The following UBE2L3 variants were observed in gnomAD, a reference collection of about 807,000 sequenced individuals.
The protein encoded by UBE2L3 is ubiquitin conjugating enzyme E2 L3, also known as ubiquitin-conjugating enzyme E2 L3.
A neutral mutation model predicts 17.8 loss-of-function variants in UBE2L3; 1 was observed. The ratio of observed to expected loss-of-function variants is 0.06; its 90% CI spans 0.02 to 0.27. The LOEUF is 0.27. Among genes scored for constraint, UBE2L3 ranks in the 10% least tolerant of loss-of-function variants. The probability of loss-of-function intolerance (pLI) is 1.00; values close to 1 mark genes in which losing one functional copy is unlikely to be tolerated. For missense variants in UBE2L3, 40 were observed against 192.6 expected (o/e 0.21, Z 4.69); for synonymous variants, 44 against 68.5 (o/e 0.64, Z 1.76).
chr22:21,607,639 G>C (rs911800714), intron 2 of UBE2L3, among the ~76,000 whole-genome samples: 1 of 152,162 alleles, frequency 6.6e-6, no homozygotes. Flanking sequence ...AGTACAATGG[G>C]AAGGGCTTCC....
chr22:21,571,472 G>A (rs961300097), intron 1 of UBE2L3, among the ~76,000 whole-genome samples: 2 of 152,098 alleles, frequency 1.3e-5, no homozygotes, highest in South Asian at 2.1e-4. Flanking sequence ...GCGATGGCAC[G>A]ATCTCTGTGC....
intron 1 of UBE2L3, among the ~76,000 whole-genome samples, chr22:21,556,582 A>G (rs1601380138): frequency 6.6e-6 from 1 of 150,514 alleles, no homozygotes; most frequent in South Asian, 2.1e-4. Context: ...GGCTAGCACC[A>G]CCATGCCCGG....
intron 3 of UBE2L3, among the ~76,000 whole-genome samples, chr22:21,619,336 G>A (rs1929938311): frequency 6.6e-6 from 1 of 152,208 alleles, no homozygotes; most frequent in Non-Finnish European, 1.5e-5. Flanking sequence ...TACCCCTGAA[G>A]AGGCTTAGAG....
chr22:21,600,269 T>C (rs569688292), intron 2 of UBE2L3, among the ~76,000 whole-genome samples: 1 of 152,202 alleles, frequency 6.6e-6, no homozygotes, highest in East Asian at 1.9e-4. Context: ...GCTGAGATCG[T>C]GCCATTGTGT....
chr22:21,602,224 C>T (rs1267396515), intron 2 of UBE2L3, among the ~76,000 whole-genome samples: 1 of 152,176 alleles, frequency 6.6e-6, no homozygotes, highest in Non-Finnish European at 1.5e-5. Context: ...GCACAGGACC[C>T]TTCAGTCCAT....
chr22:21,567,455 G>A (rs1157679086), upstream of UBE2L3: 5 of 469,934 alleles, frequency 1.1e-5, no homozygotes, highest in Non-Finnish European at 1.8e-5. Context: ...GAGCCCCCGC[G>A]CCTGGTCAAC....
intron 1 of UBE2L3, among the ~76,000 whole-genome samples, chr22:21,574,792 C>T (rs1927172181): frequency 6.6e-6 from 1 of 152,052 alleles, no homozygotes; most frequent in African/African-American, 2.4e-5. Flanking sequence ...TGGTGAAAAC[C>T]CATCTCTACC....
At chr22:21,563,689 G>T (rs1479621070), upstream of UBE2L3, among the ~76,000 whole-genome samples, 1 of 146,660 alleles carries the variant, frequency 6.8e-6, no homozygotes, top group South Asian at 2.2e-4. Flanking sequence ...CGATTCTCCC[G>T]CCTCAGCCTC....
chr22:21,586,117 T>A (rs552617629), intron 1 of UBE2L3, among the ~76,000 whole-genome samples: 128 of 152,198 alleles, frequency 8.4e-4, no homozygotes, highest in African/African-American at 3.0e-3. Flanking sequence ...TTAATTTTTT[T>A]ATTTTTGTAG....
At chr22:21,564,686 A>C (rs978157905), upstream of UBE2L3, among the ~76,000 whole-genome samples, 1 of 152,222 alleles carries the variant, frequency 6.6e-6, no homozygotes, top group Non-Finnish European at 1.5e-5. Context: ...TTCTCAGCTT[A>C]GCACATCCGG....
chr22:21,601,283 T>C (rs1399294563), intron 2 of UBE2L3, among the ~76,000 whole-genome samples: 2 of 152,036 alleles, frequency 1.3e-5, no homozygotes, highest in African/African-American at 4.8e-5. Flanking sequence ...TCACAAGAAC[T>C]TAACCTCCTA....
intron 1 of UBE2L3, among the ~76,000 whole-genome samples, chr22:21,577,211 A>C (rs1927363724): frequency 6.9e-6 from 1 of 145,880 alleles, no homozygotes; most frequent in Admixed American, 6.8e-5. Flanking sequence ...TTCATGATCC[A>C]CCCACCTTGG....
chr22:21,619,846 C>CACA, intron 3 of UBE2L3, among the ~76,000 whole-genome samples: 1 of 152,196 alleles, frequency 6.6e-6, no homozygotes, highest in East Asian at 1.9e-4. Flanking sequence ...CATGGGCCAC[C>CACA]ATGCCTGGCT....
At chr22:21,592,261 C>T (rs1928304651) in intron 1 of UBE2L3, among the ~76,000 whole-genome samples, 1 of 152,062 alleles carries the variant, frequency 6.6e-6, no homozygotes, top group Admixed American at 6.6e-5. Flanking sequence ...TTTCCCGTCC[C>T]CACCCCCCCA....
intron 1 of UBE2L3, among the ~76,000 whole-genome samples, chr22:21,571,602 A>T (rs1309982760): frequency 6.6e-6 from 1 of 152,116 alleles, no homozygotes; most frequent in Non-Finnish European, 1.5e-5. Flanking sequence ...AGGTTTCACC[A>T]TGTTTGCCAT....
intron 1 of UBE2L3, among the ~76,000 whole-genome samples, chr22:21,586,624 G>A (rs1348025319): frequency 2.0e-5 from 3 of 149,788 alleles, no homozygotes; most frequent in Non-Finnish European, 4.4e-5. Context: ...CTCAAGTGCA[G>A]TGGTGTGATT....
intron 1 of UBE2L3, chr22:21,568,071 G>C: frequency 2.4e-6 from 3 of 1,242,448 alleles, no homozygotes; most frequent in Non-Finnish European, 3.0e-6. Context: ...GCCGCGGTCC[G>C]ATCTGAGGGC....
intron 2 of UBE2L3, among the ~76,000 whole-genome samples, chr22:21,595,905 C>T (rs563488557): frequency 7.9e-5 from 12 of 151,940 alleles, no homozygotes; most frequent in East Asian, 1.9e-4. Context: ...GTTGGAGTCT[C>T]GCTCTGTCGC....
intron 1 of UBE2L3, chr22:21,555,409 G>C (rs1251160556): frequency 6.5e-6 from 1 of 152,916 alleles, no homozygotes; most frequent in Non-Finnish European, 1.5e-5. Flanking sequence ...GGTCACCTGA[G>C]GTCAGGAGTT....
Sources: gnomAD v4.1 joint callset for allele counts (sites outside exome capture counted in the v4.1 genomes callset) on GRCh38, gnomAD v4.1.1 for gene constraint, MANE v1.5 for transcripts, NCBI Gene and HGNC (gene_info 2026-07-23, HGNC 2026-07-21) for gene names.